Variants in UBE3A observed in about 807,000 individuals in gnomAD.
The protein encoded by UBE3A is ubiquitin-protein ligase E3A.
Under a neutral mutation model 83.4 loss-of-function variants are expected in UBE3A, and 6 were observed. The observed-to-expected ratio is 0.07, with a 90% CI of 0.04 to 0.14. The LOEUF (loss-of-function observed/expected upper bound fraction) is 0.14. UBE3A is among the 10% of genes least tolerant of loss of function. The pLI is 1.00. For synonymous variants in UBE3A, 337 were observed against 355.4 expected (o/e 0.95, Z 0.58); for missense variants, 456 against 1,036.1 (o/e 0.44, Z 7.69).
Position 25,338,118 on chromosome 15 carries a change from T to C in UBE3A, c.*1019A>G, listed in dbSNP as rs965881433. On this transcript the variant is annotated 3_prime_UTR_variant, in exon 13 of 13. Coordinates refer to ENST00000648336, the MANE Select transcript of UBE3A (RefSeq NM_130839.5). Reference sequence around the variant, plus strand: ...TAAAATGGCTGATTCAACAAGATGATGGCAACACGAAGGGGAGACTTTGGA... The same window carrying C: ...TAAAATGGCTGATTCAACAAGATGACGGCAACACGAAGGGGAGACTTTGGA... 2 of 152,122 alleles carry C rather than the reference T, an allele frequency of 1.3e-5. No homozygotes were observed. Among genetic ancestry groups the C allele is most frequent in the Non-Finnish European group, 2.9e-5 (2 of 67,992 alleles). The allele number at this position is 152,122 out of a possible 1,614,324, so 9.4% of individuals were successfully genotyped here.
At chr15:25,400,662 A>C (rs1394621292) in intron 4 of UBE3A, among the ~76,000 whole-genome samples, 2 of 152,176 alleles carry the variant, frequency 1.3e-5, no homozygotes, top group African/African-American at 4.8e-5. Flanking sequence ...TTGATTTTAT[A>C]TCTTACAACT....
At chr15:25,419,188 C>T (rs554805207) in intron 1 of UBE3A, 1 of 152,206 alleles carries the variant, frequency 6.6e-6, no homozygotes, top group East Asian at 1.9e-4. Flanking sequence ...ACTGGAACAG[C>T]ATAGTAAATT....
At chr15:25,434,969 TACACACAC>T (rs55856025) in intron 1 of UBE3A, among the ~76,000 whole-genome samples, 48,847 of 142,638 alleles carry the variant, frequency 0.34, 9,083 homozygotes, top group South Asian at 0.42. Context: ...TCTATATACA[TACACACAC>T]ACACACACAC....
At chr15:25,362,337 C>T (rs993967799) in intron 6 of UBE3A, among the ~76,000 whole-genome samples, 4 of 152,154 alleles carry the variant, frequency 2.6e-5, no homozygotes, top group African/African-American at 4.8e-5. Flanking sequence ...ACACAGTTTA[C>T]TTTTAGACAA....
chr15:25,375,863 GATT>G (rs1446333523), intron 4 of UBE3A, 100 bp from the exon 5 acceptor site: 1 of 1,347,400 alleles, frequency 7.4e-7, no homozygotes, highest in Non-Finnish European at 1.0e-6. Flanking sequence ...GCACTGAAGT[GATT>G]AACCTGTGTA....
chr15:25,339,344 ATATAG>A, intron 12 of UBE3A, 87 bp from the exon 13 acceptor site: 4 of 1,534,044 alleles, frequency 2.6e-6, no homozygotes, highest in African/African-American at 1.4e-5. Flanking sequence ...TTTAGATTGT[ATATAG>A]TTGAGACGGT....
chr15:25,396,623 T>C (rs905856124), intron 4 of UBE3A, among the ~76,000 whole-genome samples: 4 of 152,092 alleles, frequency 2.6e-5, no homozygotes, highest in South Asian at 4.2e-4. Context: ...AGCAAGACAA[T>C]ATCTCAAACA....
At chr15:25,340,007 TA>T in intron 12 of UBE3A, 77 bp downstream of exon 12, 5 of 1,566,766 alleles carry the variant, frequency 3.2e-6, no homozygotes, top group Non-Finnish European at 4.4e-6. Flanking sequence ...TCAGAAACTA[TA>T]AAGACAGTTC....
intron 11 of UBE3A, among the ~76,000 whole-genome samples, chr15:25,344,187 C>T (rs1035791729): frequency 1.3e-5 from 2 of 152,108 alleles, no homozygotes; most frequent in African/African-American, 2.4e-5. Context: ...TTAGTACTAA[C>T]AGCAAAAGGT....
chr15:25,423,312 G>C (rs964203905), intron 1 of UBE3A, among the ~76,000 whole-genome samples: 11 of 152,078 alleles, frequency 7.2e-5, no homozygotes, highest in African/African-American at 2.7e-4. Flanking sequence ...AGGTAAATGA[G>C]CAGTCCCTAA....
chr15:25,405,400 AT>A, intron 4 of UBE3A, 60 bp downstream of exon 4: 1 of 1,549,450 alleles, frequency 6.5e-7, no homozygotes, highest in Non-Finnish European at 8.9e-7. Flanking sequence ...ATGTGACGTA[AT>A]TTAAAGCAGT....
chr15:25,379,093 C>T (rs2152875592), intron 4 of UBE3A, among the ~76,000 whole-genome samples: 1 of 152,146 alleles, frequency 6.6e-6, no homozygotes, highest in Admixed American at 6.5e-5. Context: ...TAAGTTTCCT[C>T]GTAATTTAAA....
At chr15:25,436,598 C>A (rs892126235) in intron 1 of UBE3A, among the ~76,000 whole-genome samples, 1 of 152,080 alleles carries the variant, frequency 6.6e-6, no homozygotes, top group Non-Finnish European at 1.5e-5. Flanking sequence ...TAGAAATTAT[C>A]TAAAGTTTAA....
In UBE3A at chr15:25,432,684, G is replaced by A. The variant is rs35654404; in HGVS notation, c.-165+5805C>T. ...GACTAACCTCAATTGATCCTGAGGA[G>A]ATGAACTTCTGGAACACACAAAACT... On this transcript the variant is annotated intron_variant, in intron 1 of 12. Transcript: ENST00000648336. Among the ~76,000 whole-genome samples the A allele has an allele frequency of 0.04, 6,115 of 152,278 alleles. 171 individuals are homozygous for A. Among genetic ancestry groups the A allele is most frequent in the Non-Finnish European group, 0.067 (4,530 of 68,008 alleles).
intron 1 of UBE3A, among the ~76,000 whole-genome samples, chr15:25,434,969 TACACACACACACACACACACACACACAC>T (rs55856025): frequency 7.0e-6 from 1 of 142,884 alleles, no homozygotes; most frequent in Admixed American, 7.0e-5. Context: ...TCTATATACA[TACACACACACACACACACACACACACAC>T]ACACACACAC....
chr15:25,363,223 T>G (rs2078417848), intron 6 of UBE3A, among the ~76,000 whole-genome samples: 1 of 152,180 alleles, frequency 6.6e-6, no homozygotes, highest in Admixed American at 6.5e-5. Context: ...AATGCAAACA[T>G]ACAACTTTAC....
At chr15:25,433,406 T>A (rs1161309028) in intron 1 of UBE3A, among the ~76,000 whole-genome samples, 1 of 152,110 alleles carries the variant, frequency 6.6e-6, no homozygotes, top group Non-Finnish European at 1.5e-5. Flanking sequence ...CAGGATGGTC[T>A]CGATCTCCTG....
intron 4 of UBE3A, among the ~76,000 whole-genome samples, chr15:25,404,987 C>T (rs1412556131): frequency 6.6e-6 from 1 of 152,190 alleles, no homozygotes; most frequent in African/African-American, 2.4e-5. Context: ...TCCAGTACTC[C>T]TTCATGTTAC....
intron 2 of UBE3A, among the ~76,000 whole-genome samples, chr15:25,410,103 C>T (rs542477293): frequency 6.0e-4 from 91 of 152,064 alleles, no homozygotes; most frequent in Non-Finnish European, 1.1e-3. Flanking sequence ...TGTAACTAAC[C>T]TGCACATTGT....
Sources: allele counts gnomAD v4.1 joint callset (sites outside exome capture counted in the v4.1 genomes callset), GRCh38; gene constraint gnomAD v4.1.1; transcripts MANE v1.5; gene names NCBI Gene and HGNC (gene_info 2026-07-23, HGNC 2026-07-21).